The following M1AP variants were observed in gnomAD, a reference collection of about 807,000 sequenced individuals.
The protein encoded by M1AP is meiosis 1 associated protein, also known as meiosis 1 arrest protein.
Under a neutral mutation model 51.2 loss-of-function variants are expected in M1AP, and 39 were observed. The observed-to-expected ratio is 0.76, with a 90% CI of 0.59 to 1.00. The LOEUF is 1.00. M1AP is among the 50% of genes least tolerant of loss of function. The pLI, the probability that M1AP is intolerant of heterozygous loss-of-function variation, is 0.00. For missense variants in M1AP, 545 were observed against 641.2 expected, an observed-to-expected ratio of 0.85 and a Z score of 1.62; for synonymous variants, 251 against 249.2, an observed-to-expected ratio of 1.01 and a Z score of -0.07.
In M1AP at chr2:74,608,990, G is replaced by C. The variant is rs924380491; in HGVS notation, c.427-1767C>G. On this transcript the variant is annotated intron_variant, in intron 3 of 10. Transcript: ENST00000421985. Reference sequence around the variant, plus strand: ...ATTTACGGGTACAGTGTGATGTTTTGATACATTTATACATTGTGTAATGAT... The same window carrying C: ...ATTTACGGGTACAGTGTGATGTTTTCATACATTTATACATTGTGTAATGAT... Among the ~76,000 whole-genome samples the C allele has an allele frequency of 3.3e-5, 5 of 152,116 alleles. No homozygotes were observed. In the South Asian group the frequency reaches 1.0e-3, roughly 32 times the overall value.
At chr2:74,603,752 T>C (rs1295291567) in intron 4 of M1AP, among the ~76,000 whole-genome samples, 1 of 152,160 alleles carries the variant, frequency 6.6e-6, no homozygotes, top group African/African-American at 2.4e-5. Context: ...AGAACAATGT[T>C]AGTGGCTGCA....
intron 2 of M1AP, among the ~76,000 whole-genome samples, chr2:74,622,526 C>T (rs867100917): frequency 6.0e-5 from 9 of 149,672 alleles, no homozygotes; most frequent in East Asian, 2.0e-4. Flanking sequence ...TGAGCCACCG[C>T]GCCCGGCCAT....
At chr2:74,568,123 T>C (rs1678502529) in intron 7 of M1AP, among the ~76,000 whole-genome samples, 1 of 152,168 alleles carries the variant, frequency 6.6e-6, no homozygotes, top group South Asian at 2.1e-4. Context: ...AACTGAGCAA[T>C]ACCCACACTT....
chr2:74,621,945 T>TA (rs753660707), intron 2 of M1AP, among the ~76,000 whole-genome samples: 9,508 of 122,818 alleles, frequency 0.077, 328 homozygotes, highest in Middle Eastern at 0.14. Context: ...CCACATCTAC[T>TA]AAAAAAAAAA....
chr2:74,601,361 C>A (rs1206866421), intron 4 of M1AP, among the ~76,000 whole-genome samples: 1 of 151,972 alleles, frequency 6.6e-6, no homozygotes, highest in Non-Finnish European at 1.5e-5. Flanking sequence ...GGTATAGTCT[C>A]ATTTTTTGTC....
intron 4 of M1AP, among the ~76,000 whole-genome samples, chr2:74,590,126 C>A (rs551315326): frequency 5.9e-5 from 9 of 152,322 alleles, no homozygotes; most frequent in Non-Finnish European, 1.2e-4. Flanking sequence ...GCTGCTATCA[C>A]AAAATACCAC....
intron 7 of M1AP, among the ~76,000 whole-genome samples, chr2:74,568,636 T>C (rs1453218411): frequency 6.6e-6 from 1 of 152,126 alleles, no homozygotes; most frequent in Non-Finnish European, 1.5e-5. Flanking sequence ...CCCAAACACA[T>C]TTGCCAAATA....
chr2:74,563,118 C>T (rs1678138200), intron 7 of M1AP, among the ~76,000 whole-genome samples: 1 of 152,292 alleles, frequency 6.6e-6, no homozygotes, highest in South Asian at 2.1e-4. Context: ...TGGTGGCTCA[C>T]ATCTGTAATC....
intron 4 of M1AP, among the ~76,000 whole-genome samples, chr2:74,602,124 A>C (rs990948358): frequency 6.6e-6 from 1 of 152,212 alleles, no homozygotes; most frequent in Admixed American, 6.5e-5. Flanking sequence ...TATCGAGGGA[A>C]GTTATGGCTG....
At chr2:74,620,833 G>T (rs983515606) in intron 2 of M1AP, 1 of 178,994 alleles carries the variant, frequency 5.6e-6, no homozygotes, top group East Asian at 1.4e-4. Flanking sequence ...CGTAAGGAAA[G>T]AATTAGTTGT....
chr2:74,621,945 TAA>T (rs753660707), intron 2 of M1AP, among the ~76,000 whole-genome samples: 19 of 122,834 alleles, frequency 1.5e-4, no homozygotes, highest in Admixed American at 1.7e-4. Flanking sequence ...CCACATCTAC[TAA>T]AAAAAAAAAA....
chr2:74,623,503 T>TTA, intron 2 of M1AP, among the ~76,000 whole-genome samples: 2 of 117,778 alleles, frequency 1.7e-5, no homozygotes, highest in Non-Finnish European at 3.7e-5. Context: ...ACTCTGTCTA[T>TTA]AAAAAAAAAA....
intron 2 of M1AP, among the ~76,000 whole-genome samples, chr2:74,627,999 C>T (rs927666673): frequency 1.2e-4 from 18 of 152,180 alleles, no homozygotes; most frequent in Admixed American, 3.3e-4. Flanking sequence ...CAAAGGTCTC[C>T]ATTTTATATA....
At chr2:74,646,298 A>C (rs1683611550) in intron 1 of M1AP, among the ~76,000 whole-genome samples, 1 of 152,264 alleles carries the variant, frequency 6.6e-6, no homozygotes, top group African/African-American at 2.4e-5. Flanking sequence ...AAAGAAATAA[A>C]AAATGATAAT....
chr2:74,566,984 C>T (rs1351083392), intron 7 of M1AP, among the ~76,000 whole-genome samples: 1 of 152,150 alleles, frequency 6.6e-6, no homozygotes, highest in Non-Finnish European at 1.5e-5. Flanking sequence ...TTCTAGTTCA[C>T]ACAGACATGA....
intron 2 of M1AP, among the ~76,000 whole-genome samples, chr2:74,622,563 T>TC (rs1682120133): frequency 2.2e-5 from 3 of 135,242 alleles, no homozygotes; most frequent in African/African-American, 8.6e-5. Flanking sequence ...TTTTTTTTTT[T>TC]CTATTTTTAA....
At chr2:74,571,092 G>T (rs2104545886) in intron 7 of M1AP, among the ~76,000 whole-genome samples, 1 of 152,316 alleles carries the variant, frequency 6.6e-6, no homozygotes, top group Admixed American at 6.5e-5. Flanking sequence ...AATGCTTCAA[G>T]GAGATTAAGC....
At chr2:74,640,705 C>A (rs1206954353) in intron 1 of M1AP, among the ~76,000 whole-genome samples, 1 of 152,070 alleles carries the variant, frequency 6.6e-6, no homozygotes, top group Admixed American at 6.6e-5. Context: ...ATCCGCCCGC[C>A]TTGGCCTCCC....
chr2:74,575,236 T>G (rs1171039871), intron 7 of M1AP: 1 of 948,146 alleles, frequency 1.1e-6, no homozygotes, highest in Admixed American at 6.2e-5. Context: ...GTTGTATAAC[T>G]GAATTCAGGA....
Sources: gnomAD v4.1 joint callset for allele counts (sites outside exome capture counted in the v4.1 genomes callset) on GRCh38, gnomAD v4.1.1 for gene constraint, MANE v1.5 for transcripts, NCBI Gene and HGNC (gene_info 2026-07-23, HGNC 2026-07-21) for gene names.